The following AFF1 variants were observed in gnomAD, a reference collection of about 807,000 sequenced individuals.
The protein encoded by AFF1 is ALF transcription elongation factor 1.
Under a neutral mutation model 121.7 loss-of-function variants are expected in AFF1, and 48 were observed. That is an observed-to-expected ratio of 0.39 (90% CI 0.31 to 0.50). The LOEUF is 0.50. AFF1 is among the 20% of genes least tolerant of loss of function. The pLI is 0.76. For synonymous variants in AFF1, 613 were observed against 563.0 expected (o/e 1.09, Z -1.26); for missense variants, 1,523 against 1,511.7 (o/e 1.01, Z -0.12).
chr4:87,077,402 G>T (rs1722777473), intron 4 of AFF1, among the ~76,000 whole-genome samples: 1 of 152,200 alleles, frequency 6.6e-6, no homozygotes, highest in Non-Finnish European at 1.5e-5. Flanking sequence ...TCAGAGTAAG[G>T]TAAGTTACAT....
Position 86,969,385 on chromosome 4 carries a change from A to G in AFF1, c.38+20814A>G, listed in dbSNP as rs111982551. On this transcript the variant is annotated intron_variant, in intron 2 of 20. Coordinates refer to ENST00000395146, the MANE Select transcript of AFF1 (RefSeq NM_001166693.3). Reference sequence around the variant, plus strand: ...TCCCAGCTACTCAGGAGGCTGAGGCAGGAGAATTGCTTGAACCCAGGAGGC... The same window carrying G: ...TCCCAGCTACTCAGGAGGCTGAGGCGGGAGAATTGCTTGAACCCAGGAGGC... Among the ~76,000 whole-genome samples the G allele has an allele frequency of 5.9e-3, 901 of 151,460 alleles. 2 individuals carry two copies. Among genetic ancestry groups the G allele is most frequent in the Non-Finnish European group, 0.011 (734 of 67,792 alleles).
chr4:87,103,380 A>C (rs1725617915), intron 8 of AFF1, among the ~76,000 whole-genome samples: 1 of 152,246 alleles, frequency 6.6e-6, no homozygotes, highest in African/African-American at 2.4e-5. Flanking sequence ...AATTATACTC[A>C]CAAATTTTTA....
At chr4:87,049,729 G>T (rs1046321777) in intron 4 of AFF1, 1 of 456,102 alleles carries the variant, frequency 2.2e-6, no homozygotes, top group African/African-American at 2.0e-5. Context: ...GGCAGCTGTG[G>T]TACCAACTGC....
chr4:86,946,378 G>A (rs1578822346), intron 1 of AFF1, among the ~76,000 whole-genome samples: 1 of 151,954 alleles, frequency 6.6e-6, no homozygotes, highest in East Asian at 1.9e-4. Context: ...TGTTTTTTGA[G>A]GCAGGGCCTT....
chr4:86,950,494 C>A (rs960016402), intron 2 of AFF1, among the ~76,000 whole-genome samples: 3 of 152,228 alleles, frequency 2.0e-5, no homozygotes, highest in Admixed American at 6.5e-5. Flanking sequence ...TAATAGAATT[C>A]TTTTCCCACT....
intron 19 of AFF1, 68 bp from the exon 20 acceptor site, chr4:87,134,403 G>A (rs1578329297): frequency 6.4e-6 from 9 of 1,398,030 alleles, no homozygotes; most frequent in South Asian, 1.4e-5. Flanking sequence ...TTCCAGACAC[G>A]TAAATCTGTG....
At chr4:86,979,009 T>A (rs1261432500) in intron 2 of AFF1, among the ~76,000 whole-genome samples, 1 of 152,192 alleles carries the variant, frequency 6.6e-6, no homozygotes, top group African/African-American at 2.4e-5. Flanking sequence ...CAATGAAGTG[T>A]TCCCCATTGA....
chr4:87,128,183 T>G (rs141696251), intron 16 of AFF1, among the ~76,000 whole-genome samples: 1 of 152,350 alleles, frequency 6.6e-6, no homozygotes, highest in East Asian at 1.9e-4. Context: ...CAAAATTATC[T>G]TAAAGCCTTC....
At chr4:87,092,226 T>C (rs1417357464) in intron 7 of AFF1, among the ~76,000 whole-genome samples, 1 of 152,188 alleles carries the variant, frequency 6.6e-6, no homozygotes, top group Non-Finnish European at 1.5e-5. Context: ...GAGGTTGCAG[T>C]GAGCCAAGAT....
At chr4:87,020,686 G>C (rs988512070) in intron 2 of AFF1, 1 of 529,632 alleles carries the variant, frequency 1.9e-6, no homozygotes, top group African/African-American at 2.1e-5. Flanking sequence ...GGGTTTCACT[G>C]TGTTAGCCAG....
intron 2 of AFF1, among the ~76,000 whole-genome samples, chr4:86,949,163 A>AAT (rs201614271): frequency 6.2e-4 from 87 of 139,840 alleles, no homozygotes; most frequent in African/African-American, 1.8e-3. Flanking sequence ...GCTATTCAAA[A>AAT]ATATATATAT....
intron 2 of AFF1, chr4:87,006,891 C>G (rs1336701412): frequency 6.4e-6 from 6 of 935,486 alleles, no homozygotes; most frequent in Non-Finnish European, 7.7e-6. Context: ...CTAGGGCCGC[C>G]GAGCGCCCTG....
At chr4:87,036,124 A>G (rs1415320500) in intron 2 of AFF1, among the ~76,000 whole-genome samples, 2 of 152,200 alleles carry the variant, frequency 1.3e-5, no homozygotes, top group Non-Finnish European at 2.9e-5. Context: ...AGCTGTGCTC[A>G]CCAGGGGCCT....
intron 17 of AFF1, 111 bp from the exon 18 acceptor site, chr4:87,131,682 G>C: frequency 1.1e-6 from 1 of 950,662 alleles, no homozygotes; most frequent in Non-Finnish European, 1.6e-6. Context: ...TTCCTGTGAT[G>C]CTCTCATCTC....
At position 86,972,291 on chromosome 4, in the gene AFF1, T is replaced by C. The variant is rs532887008; in HGVS notation, c.38+23720T>C. Among the ~76,000 whole-genome samples, 77 of 152,158 alleles carry C rather than the reference T, an allele frequency of 5.1e-4. 1 individual carries two copies. The highest frequency in any genetic ancestry group is 1.8e-3 in the African/African-American group (75 of 41,510). ...TGTTATAGCTGAGGTTAAAGTATTT[T>C]TAAGAGAAAAGAAAGAGGAAGGCAG... On this transcript the variant is annotated intron_variant, in intron 2 of 20. Coordinates refer to ENST00000395146, the MANE Select transcript of AFF1 (RefSeq NM_001166693.3).
At chr4:87,001,498 G>A (rs1725725206) in intron 2 of AFF1, among the ~76,000 whole-genome samples, 1 of 152,124 alleles carries the variant, frequency 6.6e-6, no homozygotes, top group African/African-American at 2.4e-5. Flanking sequence ...TTACAGGCGT[G>A]AGCCACCGCG....
intron 2 of AFF1, among the ~76,000 whole-genome samples, chr4:87,017,330 G>T (rs1560542461): frequency 6.6e-6 from 1 of 151,952 alleles, no homozygotes; most frequent in African/African-American, 2.4e-5. Flanking sequence ...TTTTGCATTT[G>T]ATTATTAGAA....
intron 7 of AFF1, 139 bp downstream of exon 7, chr4:87,091,968 T>C (rs936438868): frequency 1.5e-6 from 1 of 673,910 alleles, no homozygotes; most frequent in Non-Finnish European, 2.5e-6. Flanking sequence ...AGAACAAATA[T>C]AAAACTATTC....
chr4:86,996,133 C>T (rs1725167529), intron 2 of AFF1, among the ~76,000 whole-genome samples: 1 of 151,544 alleles, frequency 6.6e-6, no homozygotes, highest in Non-Finnish European at 1.5e-5. Flanking sequence ...GCCAGCCGCC[C>T]TGTCCGGGAG....
Sources: gnomAD v4.1 joint callset for allele counts (sites outside exome capture counted in the v4.1 genomes callset) on GRCh38, gnomAD v4.1.1 for gene constraint, MANE v1.5 for transcripts, NCBI Gene and HGNC (gene_info 2026-07-23, HGNC 2026-07-21) for gene names.